The following ATXN2L variants were observed in gnomAD, a reference collection of about 807,000 sequenced individuals.
ATXN2L encodes ataxin 2 like.
A neutral mutation model predicts 120.7 loss-of-function variants in ATXN2L; 24 were observed. That is an observed-to-expected ratio of 0.20 (90% CI 0.14 to 0.28). ATXN2L has a LOEUF of 0.28. ATXN2L is among the 10% of genes least tolerant of loss of function. The pLI, the probability that ATXN2L is intolerant of heterozygous loss-of-function variation, is 1.00. For synonymous variants in ATXN2L, 653 were observed against 568.1 expected, an observed-to-expected ratio of 1.15 and a Z score of -2.13; for missense variants, 1,312 against 1,432.3, an observed-to-expected ratio of 0.92 and a Z score of 1.36.
Position 28,830,742 on chromosome 16 carries a change from G to A in ATXN2L, c.1162G>A (p.Asp388Asn). 1 of 1,613,072 alleles carries A rather than the reference G, an allele frequency of 6.2e-7. No individual in the cohort carries two copies. Among genetic ancestry groups the A allele is most frequent in the Non-Finnish European group, 8.5e-7 (1 of 1,179,668 alleles). Reference sequence around the variant, plus strand: ...GCCACCTCGTGGCCCTCACCATCTGGACAACAGCAGCCCTGGCCCAGGTTC... The same window carrying A: ...GCCACCTCGTGGCCCTCACCATCTGAACAACAGCAGCCCTGGCCCAGGTTC... Reference protein sequence around the residue: ...SLPPRGPHHLDNSSPGPGSEA... With the variant: ...SLPPRGPHHLNNSSPGPGSEA... Residue 388 changes from aspartate to asparagine, a missense_variant, in exon 9 of 22, where the codon GAC (aspartate) becomes AAC (asparagine). By Grantham distance (23) the Asp-to-Asn change is conservative. Transcript: ENST00000336783.
intron 21 of ATXN2L, 53 bp from the exon 22 acceptor site, chr16:28,835,879 AG>A: frequency 6.4e-7 from 1 of 1,567,908 alleles, no homozygotes. Flanking sequence ...TCTGGCTCTC[AG>A]AGTCTGTTTC....
At position 28,835,067 on chromosome 16, in the gene ATXN2L, G is replaced by A. The variant is rs944081857; in HGVS notation, c.2443G>A (p.Ala815Thr). Residue 815 changes from alanine to threonine, a missense_variant, in exon 19 of 22, where the codon GCC becomes ACC. Physicochemically the swap from Ala to Thr is moderately conservative, Grantham distance 58. Transcript: ENST00000336783. ...MAHYPSQPVFAPMLQSNPRML... is the reference protein window; with the variant it reads ...MAHYPSQPVFTPMLQSNPRML... ...CTCTCTGTCCCGCCAGCCGGTGTTTGCCCCCATGCTTCAGAGCAACCCACG... is the reference window on the plus strand; with the variant it reads ...CTCTCTGTCCCGCCAGCCGGTGTTTACCCCCATGCTTCAGAGCAACCCACG... 5.6e-6 allele frequency: 9 copies of A among 1,611,864 alleles called. No homozygotes were observed. In the African/African-American group the frequency reaches 1.2e-4, roughly 22 times the overall value.
rs1275626613 is a variant in ATXN2L, at chr16:28,826,934, G to A, written c.689G>A (p.Arg230His). The change falls in exon 6 of 22, where the codon CGC becomes CAC. Residue 230 changes from arginine to histidine, a missense_variant. By Grantham distance (29) the Arg-to-His change is conservative (BLOSUM62 0). Coordinates refer to ENST00000336783, the MANE Select transcript of ATXN2L (RefSeq NM_007245.4). ...GAACACAAAGAGAAGGTGCTTCAGCGCTGGGAGGGGGGTGACAGCAACAGC... is the reference window on the plus strand; with the variant it reads ...GAACACAAAGAGAAGGTGCTTCAGCACTGGGAGGGGGGTGACAGCAACAGC... Reference protein sequence around the residue: ...NGEHKEKVLQRWEGGDSNSDD... With the variant: ...NGEHKEKVLQHWEGGDSNSDD... 2.5e-6 allele frequency: 4 copies of A among 1,590,324 alleles called. No individual in the cohort carries two copies. Among genetic ancestry groups the A allele is most frequent in the East Asian group, 2.3e-5 (1 of 44,312 alleles).
intron 19 of ATXN2L, 38 bp from the exon 20 acceptor site, chr16:28,835,240 G>A (rs372206835): frequency 1.3e-5 from 21 of 1,612,538 alleles, no homozygotes; most frequent in East Asian, 4.5e-5. Context: ...GCCCCCTCTG[G>A]TGTGCTCAGC....
chr16:28,824,925 T>C (rs536308996), intron 1 of ATXN2L, among the ~76,000 whole-genome samples: 1 of 152,208 alleles, frequency 6.6e-6, no homozygotes, highest in South Asian at 2.1e-4. Flanking sequence ...ATCTTATTTA[T>C]TGGCCGGGCG....
In ATXN2L at chr16:28,830,764, G is replaced by T; in HGVS notation, c.1184G>T (p.Gly395Val). Residue 395 changes from glycine to valine, a missense_variant, in exon 9 of 22, where the codon GGT becomes GTT. Gly to Val is a moderately radical substitution (Grantham distance 109, BLOSUM62 -3). Transcript: ENST00000336783. ...CTGGACAACAGCAGCCCTGGCCCAGGTTCTGAGGCCCGTGGTATCAATGGA... is the reference window on the plus strand; with the variant it reads ...CTGGACAACAGCAGCCCTGGCCCAGTTTCTGAGGCCCGTGGTATCAATGGA... The part of the protein sequence containing the change: ...HHLDNSSPGP[G>V]SEARGINGGP... 10 of 1,608,820 alleles carry T rather than the reference G, an allele frequency of 6.2e-6. No homozygotes were observed. The highest frequency in any genetic ancestry group is 4.4e-5 in the South Asian group (4 of 90,596).
Position 28,835,986 on chromosome 16 carries a change from C to T in ATXN2L, c.2949C>T (p.Pro983=), listed in dbSNP as rs1046118147. The T allele has an allele frequency of 6.5e-7, 1 of 1,544,984 alleles. No individual in the cohort carries two copies. Among genetic ancestry groups the T allele is most frequent in the Non-Finnish European group, 8.7e-7 (1 of 1,145,498 alleles). ...CCCCGCCCCCTCACCCTGGGGCTCCCCACCCGCCCCAGGTGATGCTGCTGC... is the reference window on the plus strand; with the variant it reads ...CCCCGCCCCCTCACCCTGGGGCTCCTCACCCGCCCCAGGTGATGCTGCTGC... ...TAAPPPHPGA[P]HPPQVMLLHP... is the part of the protein sequence containing the mutation. The change falls in exon 22 of 22, where the codon CCC becomes CCT. Residue 983 remains proline, a synonymous_variant. Coordinates refer to ENST00000336783, the MANE Select transcript of ATXN2L (RefSeq NM_007245.4).
At chr16:28,823,773 G>C (rs540689835) in intron 1 of ATXN2L, 1 of 449,798 alleles carries the variant, frequency 2.2e-6, no homozygotes, top group Admixed American at 4.5e-5. Flanking sequence ...CTCGGCTCTC[G>C]GGGCCTAGTC....
intron 6 of ATXN2L, among the ~76,000 whole-genome samples, chr16:28,829,149 T>C (rs2053424619): frequency 6.6e-6 from 1 of 152,148 alleles, no homozygotes; most frequent in Non-Finnish European, 1.5e-5. Flanking sequence ...ACCCCAGGCA[T>C]GCACCACCAC....
intron 18 of ATXN2L, 163 bp from the exon 19 acceptor site, chr16:28,834,895 G>GA: frequency 8.6e-7 from 1 of 1,167,726 alleles, no homozygotes; most frequent in Non-Finnish European, 1.2e-6. Flanking sequence ...CTGTATCTCT[G>GA]AAGTGTAGAG....
At chr16:28,827,692 G>A (rs1419413946) in intron 6 of ATXN2L, among the ~76,000 whole-genome samples, 2 of 152,240 alleles carry the variant, frequency 1.3e-5, no homozygotes, top group East Asian at 3.9e-4. Context: ...TGTAAGCTGA[G>A]ATTGTGCCAC....
rs762754438 is a variant in ATXN2L at position 28,835,184 on chromosome 16, T to C, written c.2560T>C (p.Tyr854His). ...SAEQPTPQAL[Y>H]ATVHQSYPHH... ...AGAGCAGCCTACCCCCCAAGCCCTT[T>C]ATGGTGAGTCCTGCGCCTGGTCCCT... The change falls in exon 19 of 22, where the codon TAT (tyrosine) becomes CAT (histidine). Residue 854 changes from tyrosine (Y) to histidine (H), a missense_variant. By Grantham distance (83) the Tyr-to-His change is moderately conservative. Transcript: ENST00000336783. 6.2e-7 allele frequency: 1 copy of C among 1,611,252 alleles called. No individual in the cohort carries two copies.
chr16:28,824,643 T>A, intron 1 of ATXN2L: 6 of 1,154,162 alleles, frequency 5.2e-6, no homozygotes, highest in Non-Finnish European at 6.7e-6. Context: ...TGAAAATGAT[T>A]GTCTTTTCTG....
chr16:28,825,133 C>G (rs2051370201), intron 1 of ATXN2L, among the ~76,000 whole-genome samples: 2 of 151,724 alleles, frequency 1.3e-5, no homozygotes. Flanking sequence ...AGGAAGATCA[C>G]TTGAGCCTTG....
chr16:28,824,404 C>T (rs1436783158), intron 1 of ATXN2L: 2 of 1,275,738 alleles, frequency 1.6e-6, no homozygotes, highest in Non-Finnish European at 2.0e-6. Context: ...AGGCGCAGAC[C>T]GGGCGAGGCC....
chr16:28,824,554 G>A (rs923615909), intron 1 of ATXN2L: 32 of 1,285,938 alleles, frequency 2.5e-5, no homozygotes, highest in Non-Finnish European at 2.9e-5. Flanking sequence ...TGGGTAACGG[G>A]CTGAATGAGT....
chr16:28,829,342 G>A, intron 6 of ATXN2L, 59 bp from the exon 7 acceptor site: 2 of 1,171,598 alleles, frequency 1.7e-6, no homozygotes, highest in Non-Finnish European at 2.6e-6. Flanking sequence ...TGATGGAAGG[G>A]AAGTGACTTG....
Position 28,834,073 on chromosome 16 carries a change from C to A in ATXN2L, c.2034C>A (p.Ser678=), listed in dbSNP as rs753949181. 3 of 1,613,276 alleles carry A rather than the reference C, an allele frequency of 1.9e-6. No individual in the cohort carries two copies. Among genetic ancestry groups the A allele is most frequent in the South Asian group, 2.2e-5 (2 of 90,958 alleles). Residue 678 remains serine, a synonymous_variant, in exon 16 of 22, where the codon TCC becomes TCA. Transcript: ENST00000336783. The part of the protein sequence containing the change: ...PTKPLLSVNK[S]TSTPTSPGPR... ...CTCCCTTGTTTTTGCAGAATAAATC[C>A]ACCAGTACCCCAACTTCTCCGGGGC...
chr16:28,824,600 CCCT>C (rs1567394939), intron 1 of ATXN2L: 2 of 1,242,678 alleles, frequency 1.6e-6, no homozygotes, highest in East Asian at 1.2e-4. Flanking sequence ...GAGGGGATAC[CCCT>C]CCTCCCACAG....
Sources: gnomAD v4.1 joint callset for allele counts (sites outside exome capture counted in the v4.1 genomes callset) on GRCh38, gnomAD v4.1.1 for gene constraint, MANE v1.5 for transcripts, NCBI Gene and HGNC (gene_info 2026-07-23, HGNC 2026-07-21) for gene names.